RPAP3: variants seen among roughly 807,000 people sequenced by gnomAD.
The protein encoded by RPAP3 is RNA polymerase II-associated protein 3.
Under a neutral mutation model 88.8 loss-of-function variants are expected in RPAP3, and 58 were observed. That is an observed-to-expected ratio of 0.65 (90% CI 0.53 to 0.81). The LOEUF is 0.81. Among genes scored for constraint, RPAP3 ranks in the 40% least tolerant of loss-of-function variants. The pLI, the probability that RPAP3 is intolerant of heterozygous loss-of-function variation, is 0.00. For missense variants in RPAP3, 751 were observed against 764.3 expected, an observed-to-expected ratio of 0.98 and a Z score of 0.20; for synonymous variants, 255 against 259.9, an observed-to-expected ratio of 0.98 and a Z score of 0.18.
Position 47,690,620 on chromosome 12 carries a change from C to A in RPAP3, c.565G>T (p.Asp189Tyr). ...RLKKFAVAES[D>Y]CNLAVALNRS... ...TTCAAGGCAACTGCTAAATTACAATCAGACTCAGCAACAGCAAATCTGCAA... is the reference window on the plus strand; with the variant it reads ...TTCAAGGCAACTGCTAAATTACAATAAGACTCAGCAACAGCAAATCTGCAA... The change falls in exon 6 of 17, where the codon GAT becomes TAT. Residue 189 changes from aspartate (D) to tyrosine (Y), a missense_variant. Asp to Tyr is a radical substitution (Grantham distance 160). Transcript: ENST00000005386. The A allele has an allele frequency of 2.0e-6, 3 of 1,528,124 alleles. No individual in the cohort carries two copies. The highest frequency in any genetic ancestry group is 2.7e-6 in the Non-Finnish European group (3 of 1,130,078). 94.7% of individuals were successfully genotyped at this position (1,528,124 alleles called of 1,614,324 possible). A position where few individuals can be genotyped will look rare whatever the true frequency, so the allele number is the denominator to read the frequency against.
rs12308070 is a variant in RPAP3 at position 47,703,091 on chromosome 12, G to A, written c.-6-245C>T. The stretch of plus-strand genomic sequence containing the variant: ...AAAGGCAACATTAAAGAAAGGTAAT[G>A]GGGAGAAAAATCACTGAAATTATCA... On this transcript the variant is annotated intron_variant, in intron 1 of 16. Coordinates refer to ENST00000005386, the MANE Select transcript of RPAP3 (RefSeq NM_024604.3). Among the ~76,000 whole-genome samples the A allele has an allele frequency of 3.7e-3, 557 of 152,330 alleles. 4 individuals are homozygous for A. Among genetic ancestry groups the A allele is most frequent in the African/African-American group, 0.013 (534 of 41,570 alleles).
At chr12:47,677,271 C>G (rs1939135498) in intron 12 of RPAP3, among the ~76,000 whole-genome samples, 1 of 152,064 alleles carries the variant, frequency 6.6e-6, no homozygotes, top group Non-Finnish European at 1.5e-5. Context: ...TTATGACAAA[C>G]CCACAGCCAA....
At chr12:47,701,326 T>C (rs1939649330) in intron 3 of RPAP3, 138 bp downstream of exon 3, 1 of 547,276 alleles carries the variant, frequency 1.8e-6, no homozygotes, top group East Asian at 3.2e-5. Context: ...CATTAAATGT[T>C]TATTCCACAT....
At chr12:47,689,089 G>A (rs376555597) in intron 7 of RPAP3, 36 bp downstream of exon 7, 108 of 898,056 alleles carry the variant, frequency 1.2e-4, no homozygotes, top group Middle Eastern at 1.1e-3. Context: ...TCAAATAAAG[G>A]TCATAATACA....
At chr12:47,696,964 T>C (rs1939544641) in intron 4 of RPAP3, among the ~76,000 whole-genome samples, 1 of 152,158 alleles carries the variant, frequency 6.6e-6, no homozygotes, top group Admixed American at 6.5e-5. Flanking sequence ...ACTGTATGGG[T>C]ACAACCCAAG....
chr12:47,696,289 A>T lies in RPAP3; in HGVS notation c.532T>A (p.Phe178Ile). The change falls in exon 5 of 17, where the codon TTT becomes ATT. Residue 178 changes from phenylalanine (F) to isoleucine (I), a missense_variant. Transcript: ENST00000005386. ...VLPTNRASAYFRLKKFAVAES... is the reference protein window; with the variant it reads ...VLPTNRASAYIRLKKFAVAES... Reference sequence around the variant, plus strand: ...GAAAGTCCTTACTTTTTCAGTCTAAAATATGCTGACGCTCTGTTCGTTGGC... The same window carrying T: ...GAAAGTCCTTACTTTTTCAGTCTAATATATGCTGACGCTCTGTTCGTTGGC... 1 of 1,559,532 alleles carries T rather than the reference A, an allele frequency of 6.4e-7. No individual in the cohort carries two copies. The highest frequency in any genetic ancestry group is 8.7e-7 in the Non-Finnish European group (1 of 1,152,636).
chr12:47,704,493 C>G (rs1470797818), intron 1 of RPAP3, among the ~76,000 whole-genome samples: 1 of 151,744 alleles, frequency 6.6e-6, no homozygotes, highest in Non-Finnish European at 1.5e-5. Flanking sequence ...CTCAGCCTCC[C>G]GAGCAGCTGG....
chr12:47,668,310 C>T (rs1592467514), intron 14 of RPAP3, among the ~76,000 whole-genome samples: 2 of 152,288 alleles, frequency 1.3e-5, no homozygotes, highest in South Asian at 4.1e-4. Flanking sequence ...ATGATAATCA[C>T]TCTATTCTAG....
At chr12:47,672,791 T>C (rs1939025563) in intron 12 of RPAP3, among the ~76,000 whole-genome samples, 1 of 152,216 alleles carries the variant, frequency 6.6e-6, no homozygotes, top group African/African-American at 2.4e-5. Context: ...CCATAGAGAT[T>C]TAAATTCACA....
At chr12:47,704,356 A>G (rs2136649376) in intron 1 of RPAP3, among the ~76,000 whole-genome samples, 1 of 152,242 alleles carries the variant, frequency 6.6e-6, no homozygotes, top group South Asian at 2.1e-4. Flanking sequence ...TAGTCATAAA[A>G]AGACTATTCA....
Position 47,687,903 on chromosome 12 carries a change from C to T in RPAP3, c.837G>A (p.Lys279=), listed in dbSNP as rs760821769. 31 of 1,613,222 alleles carry T rather than the reference C, an allele frequency of 1.9e-5. No homozygotes were observed. The highest frequency in any genetic ancestry group is 4.0e-5 in the African/African-American group (3 of 74,900). ...ERKQIEAQQN[K]QQAISEKDRG... is the part of the protein sequence containing the mutation. ...GATCTTTCTCTGAAATGGCCTGCTGCTTATTCTGTTGTGCTTCAATTTGCT... is the reference window on the plus strand; with the variant it reads ...GATCTTTCTCTGAAATGGCCTGCTGTTTATTCTGTTGTGCTTCAATTTGCT... Residue 279 remains lysine (K), a synonymous_variant, in exon 8 of 17, where the codon AAG becomes AAA. Transcript: ENST00000005386.
intron 12 of RPAP3, 39 bp downstream of exon 12, chr12:47,679,454 A>T (rs1281037476): frequency 7.4e-7 from 1 of 1,358,224 alleles, no homozygotes; most frequent in East Asian, 2.3e-5. Flanking sequence ...ATTACAACAT[A>T]TTTAAATGGC....
At position 47,684,618 on chromosome 12, in the gene RPAP3, G is replaced by C. The variant is rs79395313; in HGVS notation, c.992+2162C>G. On this transcript the variant is annotated intron_variant, in intron 9 of 16. Transcript: ENST00000005386. ...AATTTAAAATATACTCTGCTAACTT[G>C]GTATAATATATTCCACTAATACGAT... Among the ~76,000 whole-genome samples the C allele has an allele frequency of 5.5e-3, 834 of 152,028 alleles. 8 individuals carry two copies. Among genetic ancestry groups the C allele is most frequent in the African/African-American group, 0.019 (774 of 41,454 alleles).
chr12:47,671,473 T>C (rs974041037), intron 12 of RPAP3, among the ~76,000 whole-genome samples: 3 of 152,144 alleles, frequency 2.0e-5, no homozygotes, highest in Non-Finnish European at 4.4e-5. Flanking sequence ...ACAAACTCAA[T>C]GTTAAAACCA....
Position 47,690,594 on chromosome 12 carries a change from A to G in RPAP3, c.591T>C (p.Asn197=), listed in dbSNP as rs1466539037. ...TGGAATAAGCCTTTGTATAACTTCT[A>G]TTCAAGGCAACTGCTAAATTACAAT... is the stretch of plus-strand genomic sequence containing the variant. ...ESDCNLAVAL[N]RSYTKAYSRR... The change falls in exon 6 of 17, where the codon AAT becomes AAC. Residue 197 remains asparagine, a synonymous_variant. Transcript: ENST00000005386. The G allele has an allele frequency of 6.3e-7, 1 of 1,589,006 alleles. No individual in the cohort carries two copies. Among genetic ancestry groups the G allele is most frequent in the Non-Finnish European group, 8.6e-7 (1 of 1,165,342 alleles).
rs1565710578 is a variant in RPAP3, at chr12:47,662,298, C to A, written c.*1207G>T. The A allele has an allele frequency of 6.6e-6, 1 of 152,160 alleles. No homozygotes were observed. The highest frequency in any genetic ancestry group is 2.4e-5 in the African/African-American group (1 of 41,432). The allele number at this position is 152,160 out of a possible 1,614,324, so 9.4% of individuals were successfully genotyped here. On this transcript the variant is annotated 3_prime_UTR_variant, in exon 17 of 17. Transcript: ENST00000005386. ...ATATCATAATACATTTAGCAATAAA[C>A]AAAGTTAATAAACTCTATCAAGTGT...
intron 5 of RPAP3, 43 bp from the exon 6 acceptor site, chr12:47,690,682 A>G (rs749551070): frequency 7.5e-7 from 1 of 1,325,932 alleles, no homozygotes; most frequent in Admixed American, 2.5e-5. Flanking sequence ...TAATAAAACT[A>G]ATTTACTAAA....
intron 9 of RPAP3, among the ~76,000 whole-genome samples, chr12:47,686,577 C>CACACA (rs1555182568): frequency 6.7e-6 from 1 of 150,160 alleles, no homozygotes. Flanking sequence ...CACACACACA[C>CACACA]TACTTTTCCC....
intron 12 of RPAP3, among the ~76,000 whole-genome samples, chr12:47,672,390 G>A (rs1457010402): frequency 1.3e-5 from 2 of 152,056 alleles, no homozygotes; most frequent in Non-Finnish European, 2.9e-5. Context: ...TCACAAATAC[G>A]TGACTAAAAA....
Sources: allele counts gnomAD v4.1 joint callset (sites outside exome capture counted in the v4.1 genomes callset), GRCh38; gene constraint gnomAD v4.1.1; transcripts MANE v1.5; gene names NCBI Gene and HGNC (gene_info 2026-07-23, HGNC 2026-07-21).